ARMC3: variants seen among roughly 807,000 people sequenced by gnomAD.
ARMC3 encodes armadillo repeat containing 3, also known as armadillo repeat-containing protein 3.
Under a neutral mutation model 90.3 loss-of-function variants are expected in ARMC3, and 74 were observed. That is an observed-to-expected ratio of 0.82 (90% CI 0.68 to 0.99). The LOEUF is 0.99. Ranked by LOEUF, ARMC3 falls within the 50% of genes least tolerant of loss-of-function variation. ARMC3 has a pLI of 0.00. For synonymous variants in ARMC3, 334 were observed against 361.8 expected (o/e 0.92, Z 0.87); for missense variants, 958 against 1,042.8 (o/e 0.92, Z 1.12).
rs974215602 is a variant in ARMC3, at chr10:22,981,662, C to G, written c.1137C>G (p.Ala379=). 1.2e-6 allele frequency: 2 copies of G among 1,613,894 alleles called. No homozygotes were observed. Among genetic ancestry groups the G allele is most frequent in the Admixed American group, 1.7e-5 (1 of 59,986 alleles). The part of the protein sequence containing the change: ...NEEVREAAAL[A]LANLTTCNPA... ...AGGTACGGGAAGCAGCAGCTCTAGC[C>G]CTGGCAAACCTAACCACTTGCAACC... Residue 379 remains alanine (A), a synonymous_variant, in exon 10 of 19, where the codon GCC becomes GCG. Transcript: ENST00000298032.
chr10:22,961,549 T>G (rs1835191534), intron 6 of ARMC3: 1 of 210,962 alleles, frequency 4.7e-6, no homozygotes, highest in Non-Finnish European at 9.3e-6. Flanking sequence ...TAATTACTAT[T>G]TGAAGCAGTA....
intron 11 of ARMC3, among the ~76,000 whole-genome samples, chr10:22,999,427 C>T (rs1837176261): frequency 1.3e-5 from 2 of 152,156 alleles, no homozygotes. Flanking sequence ...TACAACTGGA[C>T]TTAAATCAAC....
chr10:22,929,312 AAAAGAAAGG>A (rs1833840912), intron 1 of ARMC3, among the ~76,000 whole-genome samples: 1 of 127,264 alleles, frequency 7.9e-6, no homozygotes, highest in Admixed American at 7.8e-5. Context: ...AAGAAAAAGA[AAAAGAAAGG>A]AAAGGAAAGG....
chr10:22,980,623 A>G (rs1300747938), intron 8 of ARMC3, among the ~76,000 whole-genome samples: 1 of 152,162 alleles, frequency 6.6e-6, no homozygotes, highest in Non-Finnish European at 1.5e-5. Flanking sequence ...AAAAAAATCA[A>G]ATGAAGCCAA....
chr10:23,023,002 G>T (rs1838572879), intron 16 of ARMC3, among the ~76,000 whole-genome samples: 1 of 152,098 alleles, frequency 6.6e-6, no homozygotes, highest in African/African-American at 2.4e-5. Context: ...TGTCCCCATG[G>T]CATTGAGGCT....
At position 23,030,653 on chromosome 10, in the gene ARMC3, G is replaced by T. The variant is rs370312864; in HGVS notation, c.2103G>T (p.Val701=). The T allele has an allele frequency of 2.5e-6, 4 of 1,613,642 alleles. No individual in the cohort carries two copies. The highest frequency in any genetic ancestry group is 3.4e-6 in the Non-Finnish European group (4 of 1,179,840). ...EKVKEEEEVM[V]VPKFVGEGSS... is the part of the protein sequence containing the mutation. Reference sequence around the variant, plus strand: ...TGAAAGAGGAGGAAGAGGTTATGGTGGTACCAAAATTTGTTGGTGAAGGAA... The same window carrying T: ...TGAAAGAGGAGGAAGAGGTTATGGTTGTACCAAAATTTGTTGGTGAAGGAA... The change falls in exon 17 of 19, where the codon GTG becomes GTT. Residue 701 remains valine, a synonymous_variant. Transcript: ENST00000298032.
At chr10:22,931,021 G>A (rs900726586) in intron 1 of ARMC3, among the ~76,000 whole-genome samples, 3 of 151,780 alleles carry the variant, frequency 2.0e-5, no homozygotes, top group Admixed American at 6.6e-5. Context: ...TCCGCCTCCC[G>A]GGTTCAAGTG....
intron 17 of ARMC3, 177 bp downstream of exon 17, chr10:23,030,973 G>A (rs533213701): frequency 5.7e-5 from 37 of 645,794 alleles, no homozygotes; most frequent in Admixed American, 4.0e-4. Flanking sequence ...TAGGTCATAC[G>A]TTCACTAAGA....
intron 2 of ARMC3, among the ~76,000 whole-genome samples, chr10:22,940,982 C>G (rs74595666): frequency 2.0e-5 from 3 of 151,922 alleles, no homozygotes; most frequent in Non-Finnish European, 4.4e-5. Flanking sequence ...ATAAACAAAT[C>G]GTGATATACA....
intron 12 of ARMC3, 92 bp downstream of exon 12, chr10:23,002,147 CTCCGCTGCTCTCTCAG>C (rs1288101373): frequency 6.7e-7 from 1 of 1,487,972 alleles, no homozygotes; most frequent in African/African-American, 1.4e-5. Flanking sequence ...CAAGCCAAGT[CTCCGCTGCTCTCTCAG>C]TCCGCTGAAG....
intron 7 of ARMC3, among the ~76,000 whole-genome samples, chr10:22,967,484 G>C (rs1238337379): frequency 6.6e-6 from 1 of 152,118 alleles, no homozygotes; most frequent in African/African-American, 2.4e-5. Flanking sequence ...CCCCAGAAGA[G>C]GATGCAAAAT....
At chr10:22,959,161 T>C (rs1835084648) in intron 5 of ARMC3, 23 bp downstream of exon 5, 1 of 1,592,194 alleles carries the variant, frequency 6.3e-7, no homozygotes, top group South Asian at 1.1e-5. Context: ...TCTATATCTG[T>C]TTTAAAAAAT....
At chr10:23,011,314 G>C (rs1227429239) in intron 16 of ARMC3, among the ~76,000 whole-genome samples, 1 of 152,160 alleles carries the variant, frequency 6.6e-6, no homozygotes, top group South Asian at 2.1e-4. Flanking sequence ...TGGAGCAAAT[G>C]GGTTACCTTC....
chr10:22,942,761 T>C (rs1834368399), intron 2 of ARMC3, among the ~76,000 whole-genome samples: 1 of 152,208 alleles, frequency 6.6e-6, no homozygotes, highest in African/African-American at 2.4e-5. Flanking sequence ...GAAATGTATG[T>C]ATCCACAAAA....
intron 16 of ARMC3, among the ~76,000 whole-genome samples, chr10:23,024,046 G>A (rs1256474499): frequency 6.6e-6 from 1 of 152,038 alleles, no homozygotes; most frequent in African/African-American, 2.4e-5. Flanking sequence ...ACAACACTAA[G>A]TTAATTATAA....
At chr10:23,017,790 A>G (rs941623394) in intron 16 of ARMC3, among the ~76,000 whole-genome samples, 24 of 152,120 alleles carry the variant, frequency 1.6e-4, no homozygotes, top group Non-Finnish European at 1.0e-4. Context: ...AACAAAACAA[A>G]ACAGGTAATT....
chr10:23,029,638 C>A (rs1240894350), intron 16 of ARMC3, among the ~76,000 whole-genome samples: 1 of 152,144 alleles, frequency 6.6e-6, no homozygotes, highest in African/African-American at 2.4e-5. Context: ...TCCTATAGGA[C>A]AATAAACTGT....
chr10:23,017,189 A>G (rs1174779385), intron 16 of ARMC3, among the ~76,000 whole-genome samples: 1 of 152,100 alleles, frequency 6.6e-6, no homozygotes, highest in Non-Finnish European at 1.5e-5. Flanking sequence ...ATGATACATG[A>G]TTAACCTCTC....
At chr10:22,959,632 C>T in intron 6 of ARMC3, 58 bp downstream of exon 6, 3 of 1,491,792 alleles carry the variant, frequency 2.0e-6, no homozygotes, top group Non-Finnish European at 2.7e-6. Flanking sequence ...TTTATTTTCC[C>T]ATTAAAAATA....
Sources: gnomAD v4.1 joint callset for allele counts (sites outside exome capture counted in the v4.1 genomes callset) on GRCh38, gnomAD v4.1.1 for gene constraint, MANE v1.5 for transcripts, NCBI Gene and HGNC (gene_info 2026-07-23, HGNC 2026-07-21) for gene names.